PDE1C: variants seen among roughly 807,000 people sequenced by gnomAD.
The protein encoded by PDE1C is phosphodiesterase 1C, also known as dual specificity calcium/calmodulin-dependent 3',5'-cyclic nucleotide phosphodiesterase 1C.
A neutral mutation model predicts 93.1 loss-of-function variants in PDE1C; 62 were observed. The ratio of observed to expected loss-of-function variants is 0.67; its 90% CI spans 0.54 to 0.82. The LOEUF (loss-of-function observed/expected upper bound fraction) is 0.82, where lower values mean the gene tolerates loss of function less well. Among genes scored for constraint, PDE1C ranks in the 40% least tolerant of loss-of-function variants. The pLI, the probability that PDE1C is intolerant of heterozygous loss-of-function variation, is 0.00. For synonymous variants in PDE1C, 325 were observed against 310.1 expected (o/e 1.05, Z -0.50); for missense variants, 742 against 884.6 (o/e 0.84, Z 2.04).
At chr7:32,293,821 C>A (rs891168299) in intron 1 of PDE1C, among the ~76,000 whole-genome samples, 1 of 152,194 alleles carries the variant, frequency 6.6e-6, no homozygotes, top group Non-Finnish European at 1.5e-5. Flanking sequence ...TCTTTGCTCC[C>A]TGCCATCACT....
exon 1 of PDE1C, chr7:32,298,983 G>C: frequency 1.6e-6 from 2 of 1,282,264 alleles, no homozygotes; most frequent in Non-Finnish European, 2.0e-6. Context: ...TCTCCAAGCC[G>C]AGTTCCAGAG....
At chr7:31,908,025 G>A (rs758324972) in intron 2 of PDE1C, among the ~76,000 whole-genome samples, 2 of 152,078 alleles carry the variant, frequency 1.3e-5, no homozygotes, top group Admixed American at 1.3e-4. Context: ...AATCCACCCA[G>A]TATTTACACA....
chr7:32,262,930 G>C (rs1810315830), intron 1 of PDE1C, among the ~76,000 whole-genome samples: 1 of 152,196 alleles, frequency 6.6e-6, no homozygotes, highest in South Asian at 2.1e-4. Flanking sequence ...CACTTACAAA[G>C]TTCATTTCAT....
chr7:31,837,241 G>T lies in PDE1C; in HGVS notation c.1142C>A (p.Ala381Glu). The T allele has an allele frequency of 6.2e-7, 1 of 1,613,834 alleles. No individual in the cohort carries two copies. The highest frequency in any genetic ancestry group is 8.5e-7 in the Non-Finnish European group (1 of 1,179,820). ...MLHTADISHP[A>E]KAWDLHHRWT... ...GCGATGATGGAGGTCCCATGCTTTT[G>T]CTGGATGGCTAATATCTGCTGTATG... The change falls in exon 11 of 18, where the codon GCA (alanine) becomes GAA (glutamate). Residue 381 changes from alanine (A) to glutamate (E), a missense_variant. Coordinates refer to ENST00000396191, the MANE Select transcript of PDE1C (RefSeq NM_001191057.4).
At chr7:31,734,393 C>T in the PDE1C span, among the ~76,000 whole-genome samples, 3 of 152,108 alleles carry the variant, frequency 2.0e-5, no homozygotes, top group South Asian at 4.2e-4. Context: ...GCTCCTCGTC[C>T]GAAGGTCGGT....
intron 2 of PDE1C, among the ~76,000 whole-genome samples, chr7:31,974,862 A>G (rs537968635): frequency 6.6e-6 from 1 of 152,368 alleles, no homozygotes; most frequent in Admixed American, 6.5e-5. Flanking sequence ...ACAGAGGTAT[A>G]CAGTTCTCAC....
chr7:31,814,043 C>CAT (rs906532321), intron 15 of PDE1C, among the ~76,000 whole-genome samples: 1 of 144,390 alleles, frequency 6.9e-6, no homozygotes, highest in African/African-American at 2.6e-5. Context: ...TGTGTGTATA[C>CAT]ATATATATGT....
At chr7:31,623,245 C>T in the PDE1C span, among the ~76,000 whole-genome samples, 3 of 152,162 alleles carry the variant, frequency 2.0e-5, no homozygotes, top group African/African-American at 7.2e-5. Context: ...TCCTCCCTAA[C>T]TCATTTTCTG....
At chr7:31,739,944 T>C in the PDE1C span, among the ~76,000 whole-genome samples, 1 of 152,212 alleles carries the variant, frequency 6.6e-6, no homozygotes. Context: ...AGTTTCCTAA[T>C]TTTTGACTTT....
rs1253797287 is a variant in PDE1C at position 32,101,987 on chromosome 7, C to A, written c.308+67798G>T. On this transcript the variant is annotated intron_variant, in intron 3 of 18. Coordinates refer to the PDE1C transcript ENST00000396193. ...GAGAGAGATACCAGGCTCCTTGAAA[C>A]AACCAGATTACACATGAACTCACAG... 3.9e-5 allele frequency among the ~76,000 whole-genome samples: 6 copies of A among 152,254 alleles called. No individual in the cohort carries two copies. In the East Asian group the frequency reaches 1.2e-3, roughly 29 times the overall value.
At position 31,848,068 on chromosome 7, in the gene PDE1C, T is replaced by C. The variant is rs773784555; in HGVS notation, c.880A>G (p.Arg294Gly). The C allele has an allele frequency of 1.5e-5, 25 of 1,612,962 alleles. No homozygotes were observed. Among genetic ancestry groups the C allele is most frequent in the Non-Finnish European group, 7.6e-6 (9 of 1,179,448 alleles). Residue 294 changes from arginine to glycine, a missense_variant, in exon 9 of 18, where the codon AGA becomes GGA. Physicochemically the swap from Arg to Gly is moderately radical, Grantham distance 125. Around this residue, in one of 4 missense-constraint regions of PDE1C, gnomAD observed 205 missense variants for 295.3 expected, o/e 0.69. Coordinates refer to ENST00000396191, the MANE Select transcript of PDE1C (RefSeq NM_001191057.4). ...AAATGGTGATTCTCCAGTACAGATC[T>C]GTCATTATACAGAATAGCTGGATCA... ...RSDPAILYND[R>G]SVLENHHLSA...
At chr7:32,025,283 G>T (rs555193694) in intron 2 of PDE1C, among the ~76,000 whole-genome samples, 1 of 152,086 alleles carries the variant, frequency 6.6e-6, no homozygotes, top group Non-Finnish European at 1.5e-5. Context: ...GGCAGTACAA[G>T]CGAGAGGTCC....
At chr7:31,831,876 G>A (rs1438684211) in intron 11 of PDE1C, among the ~76,000 whole-genome samples, 1 of 152,048 alleles carries the variant, frequency 6.6e-6, no homozygotes. Context: ...CAGGAATAAA[G>A]AACTTCAAAC....
chr7:32,025,396 G>A (rs1444731224), intron 2 of PDE1C, among the ~76,000 whole-genome samples: 2 of 152,072 alleles, frequency 1.3e-5, no homozygotes, highest in Non-Finnish European at 2.9e-5. Flanking sequence ...GGGATTAGCA[G>A]AAACCAGTGG....
chr7:31,878,261 A>C (rs1362805552), intron 4 of PDE1C, among the ~76,000 whole-genome samples: 5 of 152,178 alleles, frequency 3.3e-5, no homozygotes, highest in African/African-American at 1.2e-4. Flanking sequence ...GGGAAAAAAA[A>C]CCTAACTCTA....
intron 2 of PDE1C, among the ~76,000 whole-genome samples, chr7:32,043,056 G>A (rs1175582418): frequency 6.6e-6 from 1 of 152,108 alleles, no homozygotes; most frequent in East Asian, 1.9e-4. Flanking sequence ...TGACATACAC[G>A]GGACATTTTT....
intron 2 of PDE1C, among the ~76,000 whole-genome samples, chr7:31,899,191 T>C (rs1290917928): frequency 2.1e-5 from 3 of 143,016 alleles, no homozygotes; most frequent in Admixed American, 7.8e-5. Flanking sequence ...CAGGCTGCAG[T>C]GCAGTGGCGC....
the PDE1C span, among the ~76,000 whole-genome samples, chr7:31,663,624 C>T: frequency 1.3e-5 from 2 of 152,208 alleles, no homozygotes; most frequent in African/African-American, 4.8e-5. Flanking sequence ...TCAGAGTTCT[C>T]AGCTTCATAT....
intron 3 of PDE1C, among the ~76,000 whole-genome samples, chr7:32,084,127 C>T (rs1796898626): frequency 6.6e-6 from 1 of 152,054 alleles, no homozygotes; most frequent in African/African-American, 2.4e-5. Context: ...CAGAGACACA[C>T]ATAGGCTCAA....
Sources: allele counts gnomAD v4.1 joint callset (sites outside exome capture counted in the v4.1 genomes callset), GRCh38; gene constraint gnomAD v4.1.1; regional missense constraint gnomAD v4.1.1; transcripts MANE v1.5; gene names NCBI Gene and HGNC (gene_info 2026-07-23, HGNC 2026-07-21).